CERT1: variants seen among roughly 807,000 people sequenced by gnomAD.
The protein encoded by CERT1 is ceramide transporter 1.
In CERT1, 31 loss-of-function variants were observed where a neutral mutation model predicts 87.9. That is an observed-to-expected ratio of 0.35 (90% CI 0.27 to 0.48). The LOEUF (loss-of-function observed/expected upper bound fraction) is 0.48, where lower values mean the gene tolerates loss of function less well. Ranked by LOEUF, CERT1 falls within the 20% of genes least tolerant of loss-of-function variation. The pLI is 0.99. For synonymous variants in CERT1, 289 were observed against 250.9 expected, an observed-to-expected ratio of 1.15 and a Z score of -1.44; for missense variants, 487 against 758.0, an observed-to-expected ratio of 0.64 and a Z score of 4.20.
downstream of CERT1, chr5:75,373,912 A>T (rs1169104086): frequency 1.3e-5 from 5 of 391,678 alleles, no homozygotes; most frequent in Admixed American, 4.4e-5. Context: ...TTCAAAGTTG[A>T]TTTTTTTTTC....
intron 3 of CERT1, among the ~76,000 whole-genome samples, chr5:75,446,606 T>G (rs1764547155): frequency 6.6e-6 from 1 of 152,218 alleles, no homozygotes; most frequent in African/African-American, 2.4e-5. Context: ...TTGAATTTAC[T>G]AGTGTGGTAA....
At chr5:75,478,251 G>A (rs1456852484) in intron 2 of CERT1, among the ~76,000 whole-genome samples, 2 of 151,856 alleles carry the variant, frequency 1.3e-5, no homozygotes, top group African/African-American at 4.8e-5. Flanking sequence ...AGGGCGGAGG[G>A]TGCAGTGAGC....
At chr5:75,452,014 A>G (rs183515775) in intron 3 of CERT1, among the ~76,000 whole-genome samples, 128 of 152,300 alleles carry the variant, frequency 8.4e-4, no homozygotes, top group Middle Eastern at 3.4e-3. Flanking sequence ...TTCAAGTAAA[A>G]TATATGTTCC....
At position 75,445,652 on chromosome 5, in the gene CERT1, G is replaced by T. The variant is rs567102925; in HGVS notation, c.348+13413C>A. 7.9e-5 allele frequency among the ~76,000 whole-genome samples: 12 copies of T among 152,168 alleles called. No individual in the cohort carries two copies. The East Asian group carries it at 1.9e-3, about 24-fold the overall frequency. The stretch of plus-strand genomic sequence containing the variant: ...TCCTTCTCCTTTGAAGGACACTTTT[G>T]TCAGACATAGGATTGGGTTTTTACT... On this transcript the variant is annotated intron_variant, in intron 3 of 16. Coordinates refer to ENST00000643780, the MANE Select transcript of CERT1 (RefSeq NM_001379029.1).
intron 11 of CERT1, among the ~76,000 whole-genome samples, chr5:75,397,276 GC>G (rs1762294039): frequency 6.6e-6 from 1 of 152,002 alleles, no homozygotes; most frequent in African/African-American, 2.4e-5. Flanking sequence ...ATAATCAAAG[GC>G]TAAAACAGGA....
chr5:75,418,832 A>G (rs1489223468), intron 6 of CERT1, among the ~76,000 whole-genome samples: 1 of 152,216 alleles, frequency 6.6e-6, no homozygotes, highest in African/African-American at 2.4e-5. Context: ...TGGGGGAGAG[A>G]GGAATGACAA....
At chr5:75,386,250 T>C (rs1761779659) in intron 12 of CERT1, among the ~76,000 whole-genome samples, 1 of 152,304 alleles carries the variant, frequency 6.6e-6, no homozygotes, top group East Asian at 1.9e-4. Context: ...AACATGCATA[T>C]GTGATAAATG....
chr5:75,452,437 A>AC (rs1764803404), intron 3 of CERT1, among the ~76,000 whole-genome samples: 1 of 152,190 alleles, frequency 6.6e-6, no homozygotes, highest in Non-Finnish European at 1.5e-5. Context: ...TTTCAAAATG[A>AC]TTTTTAAATC....
At chr5:75,481,041 C>CA (rs749121893) in intron 2 of CERT1, among the ~76,000 whole-genome samples, 126 of 152,300 alleles carry the variant, frequency 8.3e-4, no homozygotes, top group Non-Finnish European at 1.7e-3. Context: ...CTCCTCTGCT[C>CA]AAACCTCCAG....
intron 7 of CERT1, among the ~76,000 whole-genome samples, chr5:75,414,949 T>G (rs2112142478): frequency 6.6e-6 from 1 of 152,220 alleles, no homozygotes; most frequent in Admixed American, 6.5e-5. Context: ...ACTTTCTTTC[T>G]CAATTCTAAG....
intron 13 of CERT1, among the ~76,000 whole-genome samples, chr5:75,385,237 C>A (rs1291434562): frequency 6.6e-6 from 1 of 152,104 alleles, no homozygotes; most frequent in Non-Finnish European, 1.5e-5. Context: ...CTTTGGGAGG[C>A]CAAGGCAGGT....
chr5:75,400,335 A>C, intron 9 of CERT1, 38 bp from the exon 10 acceptor site: 1 of 1,457,492 alleles, frequency 6.9e-7, no homozygotes, highest in Non-Finnish European at 9.6e-7. Flanking sequence ...GAAGGTTTTA[A>C]AGTGTATTTT....
At chr5:75,400,354 A>G (rs754233068) in intron 9 of CERT1, 57 bp from the exon 10 acceptor site, 80 of 1,198,874 alleles carry the variant, frequency 6.7e-5, no homozygotes, top group Non-Finnish European at 8.9e-5. Flanking sequence ...TTGTAACTCA[A>G]GAATGGATAA....
At chr5:75,475,777 C>T (rs1765927348) in intron 2 of CERT1, among the ~76,000 whole-genome samples, 4 of 151,884 alleles carry the variant, frequency 2.6e-5, no homozygotes. Flanking sequence ...GCTTATGTTA[C>T]TTTCCAGCCT....
intron 2 of CERT1, among the ~76,000 whole-genome samples, chr5:75,471,754 CAAAAAAAAA>C (rs796209502): frequency 2.2e-4 from 11 of 50,806 alleles, no homozygotes; most frequent in African/African-American, 5.2e-4. Flanking sequence ...GACTTCATCT[CAAAAAAAAA>C]AAAAAAAAAA....
At chr5:75,490,339 G>A (rs1391870357) in intron 2 of CERT1, among the ~76,000 whole-genome samples, 2 of 152,084 alleles carry the variant, frequency 1.3e-5, no homozygotes, top group Non-Finnish European at 2.9e-5. Context: ...AGAGCTTAAA[G>A]TATAATAAAA....
chr5:75,383,127 T>G, intron 14 of CERT1, among the ~76,000 whole-genome samples: 1 of 152,196 alleles, frequency 6.6e-6, no homozygotes, highest in East Asian at 1.9e-4. Context: ...TGTTGCTTAA[T>G]GAGTACGGAG....
At chr5:75,387,745 A>G (rs1761858175) in intron 12 of CERT1, among the ~76,000 whole-genome samples, 1 of 151,956 alleles carries the variant, frequency 6.6e-6, no homozygotes, top group Non-Finnish European at 1.5e-5. Context: ...TCTGTCTCAA[A>G]AAAAAGAAAA....
chr5:75,442,048 C>A (rs1764344790), intron 3 of CERT1, among the ~76,000 whole-genome samples: 1 of 152,146 alleles, frequency 6.6e-6, no homozygotes, highest in Non-Finnish European at 1.5e-5. Flanking sequence ...TTCTTCACAT[C>A]TTTGCCAACA....
Sources: allele counts gnomAD v4.1 joint callset (sites outside exome capture counted in the v4.1 genomes callset), GRCh38; gene constraint gnomAD v4.1.1; transcripts MANE v1.5; gene names NCBI Gene and HGNC (gene_info 2026-07-23, HGNC 2026-07-21).